The following CRADD variants were observed in gnomAD, a reference collection of about 807,000 sequenced individuals.
The protein encoded by CRADD is CARD and death domain containing adaptor protein, also known as death domain-containing protein CRADD.
CRADD carries 9 observed loss-of-function variants against 15.5 expected under a neutral mutation model. That is an observed-to-expected ratio of 0.58 (90% CI 0.35 to 1.01). The LOEUF is 1.01. Ranked by LOEUF, CRADD falls within the 50% of genes least tolerant of loss-of-function variation. CRADD has a pLI of 0.02. For missense variants in CRADD, 227 were observed against 250.3 expected (o/e 0.91, Z 0.63); for synonymous variants, 118 against 107.6 (o/e 1.10, Z -0.60).
At chr12:93,736,013 C>T (rs1485937744) in intron 2 of CRADD, among the ~76,000 whole-genome samples, 1 of 151,634 alleles carries the variant, frequency 6.6e-6, no homozygotes, top group African/African-American at 2.4e-5. Flanking sequence ...GCTGAGATCA[C>T]GCCACTGCAC....
chr12:93,768,627 T>TAATATTATA (rs1445819681), intron 2 of CRADD, among the ~76,000 whole-genome samples: 2 of 152,214 alleles, frequency 1.3e-5, no homozygotes, highest in East Asian at 3.8e-4. Context: ...CTAAGCAGCT[T>TAATATTATA]TTTTCATGTA....
chr12:93,874,282 T>A (rs1001921964), intron 2 of CRADD, among the ~76,000 whole-genome samples: 1 of 152,086 alleles, frequency 6.6e-6, no homozygotes, highest in African/African-American at 2.4e-5. Context: ...GTTGTATCAG[T>A]TGTCATGTCT....
chr12:93,782,553 C>T (rs531918878), intron 2 of CRADD, among the ~76,000 whole-genome samples: 2 of 149,418 alleles, frequency 1.3e-5, no homozygotes, highest in Admixed American at 6.7e-5. Context: ...GAGATCACGC[C>T]ACTGCACTCC....
At chr12:93,696,225 C>T (rs1955703089) in intron 2 of CRADD, among the ~76,000 whole-genome samples, 1 of 152,114 alleles carries the variant, frequency 6.6e-6, no homozygotes, top group Admixed American at 6.5e-5. Flanking sequence ...TTAGCAATCC[C>T]ACTACTGGGT....
intron 2 of CRADD, among the ~76,000 whole-genome samples, chr12:93,870,795 T>C (rs938839555): frequency 6.6e-6 from 1 of 152,042 alleles, no homozygotes; most frequent in Non-Finnish European, 1.5e-5. Context: ...GGCATGGGGG[T>C]TCTTCCCAGA....
intron 2 of CRADD, among the ~76,000 whole-genome samples, chr12:93,874,256 G>T (rs1434757431): frequency 6.6e-6 from 1 of 151,824 alleles, no homozygotes; most frequent in African/African-American, 2.4e-5. Context: ...AGCCACTAAT[G>T]GTCCTTTGAA....
chr12:93,829,026 A>G (rs1957858321), intron 2 of CRADD, among the ~76,000 whole-genome samples: 2 of 152,188 alleles, frequency 1.3e-5, no homozygotes, highest in African/African-American at 4.8e-5. Context: ...TCCGAAGTTT[A>G]TTGAAAACCC....
intron 2 of CRADD, among the ~76,000 whole-genome samples, chr12:93,709,562 C>T (rs1008264463): frequency 6.6e-6 from 1 of 152,220 alleles, no homozygotes; most frequent in African/African-American, 2.4e-5. Flanking sequence ...TAGCCTTCAG[C>T]TCTATCCATA....
intron 2 of CRADD, among the ~76,000 whole-genome samples, chr12:93,698,178 C>G (rs1167138905): frequency 6.6e-6 from 1 of 152,062 alleles, no homozygotes; most frequent in Non-Finnish European, 1.5e-5. Context: ...TCTCAGATTC[C>G]AAGTGCCATA....
intron 2 of CRADD, among the ~76,000 whole-genome samples, chr12:93,720,725 A>G (rs1057071804): frequency 1.3e-5 from 2 of 152,210 alleles, no homozygotes; most frequent in Non-Finnish European, 2.9e-5. Context: ...AAATTACTGT[A>G]GCTACTCCCA....
rs1956281823 is a variant in CRADD, at chr12:93,722,476, T to C, written c.298+43404T>C. 7.2e-5 allele frequency among the ~76,000 whole-genome samples: 11 copies of C among 152,132 alleles called. No homozygotes were observed. The South Asian group carries it at 2.1e-3, about 29-fold the overall frequency. On this transcript the variant is annotated intron_variant, in intron 2 of 2. Transcript: ENST00000332896. ...CCATCTAGTATTTCCACTATACCTA[T>C]GTTAAACCTTGTATACTTGTCCCAC...
intron 2 of CRADD, among the ~76,000 whole-genome samples, chr12:93,893,755 A>G (rs1958592912): frequency 6.6e-6 from 1 of 152,042 alleles, no homozygotes; most frequent in Non-Finnish European, 1.5e-5. Flanking sequence ...ACAATACAAA[A>G]ATTAGCCAGG....
downstream of CRADD, among the ~76,000 whole-genome samples, chr12:93,851,971 A>G (rs1958227592): frequency 6.6e-6 from 1 of 152,224 alleles, no homozygotes; most frequent in Non-Finnish European, 1.5e-5. Context: ...CTGCTATGCC[A>G]CAGTTTATTC....
At chr12:93,852,501 C>T (rs1173683312), downstream of CRADD, among the ~76,000 whole-genome samples, 1 of 152,276 alleles carries the variant, frequency 6.6e-6, no homozygotes. Context: ...AGCAGAGTGT[C>T]TTCACCACCA....
chr12:93,795,989 C>T (rs1180777952), intron 2 of CRADD, among the ~76,000 whole-genome samples: 1 of 152,168 alleles, frequency 6.6e-6, no homozygotes, highest in East Asian at 1.9e-4. Context: ...TTGTCACATC[C>T]TAGAGTAGAT....
At chr12:93,770,338 C>G (rs1371395694) in intron 2 of CRADD, among the ~76,000 whole-genome samples, 1 of 152,028 alleles carries the variant, frequency 6.6e-6, no homozygotes, top group Admixed American at 6.5e-5. Flanking sequence ...ACCTCGTGAT[C>G]CGCCCGCCTC....
intron 2 of CRADD, among the ~76,000 whole-genome samples, chr12:93,731,083 G>A (rs1956456244): frequency 6.6e-6 from 1 of 152,258 alleles, no homozygotes; most frequent in East Asian, 1.9e-4. Flanking sequence ...CAGTTTTGTG[G>A]TGCAACTTTA....
At chr12:93,745,894 A>G (rs1956741423) in intron 2 of CRADD, among the ~76,000 whole-genome samples, 1 of 152,198 alleles carries the variant, frequency 6.6e-6, no homozygotes, top group Admixed American at 6.5e-5. Flanking sequence ...TTATTTGCCT[A>G]TTTATCCCTT....
chr12:93,823,905 G>C (rs1957796144), intron 2 of CRADD, among the ~76,000 whole-genome samples: 1 of 152,202 alleles, frequency 6.6e-6, no homozygotes, highest in Non-Finnish European at 1.5e-5. Flanking sequence ...CCGGGAAATT[G>C]TCAAATATCA....
Sources: gnomAD v4.1 joint callset for allele counts (sites outside exome capture counted in the v4.1 genomes callset) on GRCh38, gnomAD v4.1.1 for gene constraint, MANE v1.5 for transcripts, NCBI Gene and HGNC (gene_info 2026-07-23, HGNC 2026-07-21) for gene names.